The following PLXDC2 variants were observed in gnomAD, a reference collection of about 807,000 sequenced individuals.
The protein encoded by PLXDC2 is plexin domain-containing protein 2.
PLXDC2 carries 40 observed loss-of-function variants against 68.9 expected under a neutral mutation model. The observed-to-expected ratio is 0.58, with a 90% CI of 0.45 to 0.76. The LOEUF (loss-of-function observed/expected upper bound fraction) is 0.76, where lower values mean the gene tolerates loss of function less well. Ranked by LOEUF, PLXDC2 falls within the 30% of genes least tolerant of loss-of-function variation. The probability of loss-of-function intolerance (pLI) is 0.00; values close to 1 mark genes in which losing one functional copy is unlikely to be tolerated. For missense variants in PLXDC2, 644 were observed against 661.9 expected (o/e 0.97, Z 0.30); for synonymous variants, 243 against 234.2 (o/e 1.04, Z -0.34).
chr10:19,903,323 T>G (rs1456941010), intron 1 of PLXDC2, among the ~76,000 whole-genome samples: 2 of 117,874 alleles, frequency 1.7e-5, no homozygotes, highest in Non-Finnish European at 3.2e-5. Flanking sequence ...TTTTGTTGGC[T>G]TTTTTTTTTT....
intron 9 of PLXDC2, among the ~76,000 whole-genome samples, chr10:20,187,099 T>C (rs1465970811): frequency 6.6e-6 from 1 of 151,792 alleles, no homozygotes; most frequent in Non-Finnish European, 1.5e-5. Flanking sequence ...AAGAATACTA[T>C]GGGAAAGGAG....
intron 1 of PLXDC2, among the ~76,000 whole-genome samples, chr10:19,839,956 G>T (rs1341796121): frequency 1.3e-5 from 2 of 152,128 alleles, no homozygotes; most frequent in African/African-American, 2.4e-5. Flanking sequence ...GTTGGCAGTA[G>T]AATTTTTTAA....
intron 4 of PLXDC2, among the ~76,000 whole-genome samples, chr10:20,116,962 A>G (rs891853963): frequency 2.6e-5 from 4 of 152,136 alleles, no homozygotes; most frequent in Non-Finnish European, 5.9e-5. Context: ...TAAAAATGAA[A>G]AAATAAATAA....
At chr10:20,256,461 G>GTGTGTTTTAA (rs370079148) in intron 13 of PLXDC2, among the ~76,000 whole-genome samples, 16 of 151,730 alleles carry the variant, frequency 1.1e-4, no homozygotes, top group South Asian at 2.1e-4. Flanking sequence ...CACTGAGACT[G>GTGTGTTTTAA]CACCAAATGT....
At chr10:19,999,221 G>C (rs1353303593) in intron 1 of PLXDC2, among the ~76,000 whole-genome samples, 1 of 152,050 alleles carries the variant, frequency 6.6e-6, no homozygotes, top group Non-Finnish European at 1.5e-5. Flanking sequence ...GGTGCTAATG[G>C]GTATTCCAGA....
At chr10:19,830,642 A>G (rs1175068904) in intron 1 of PLXDC2, among the ~76,000 whole-genome samples, 1 of 151,962 alleles carries the variant, frequency 6.6e-6, no homozygotes, top group Non-Finnish European at 1.5e-5. Flanking sequence ...ATTTCCTGTG[A>G]TCAGCTTGTG....
At chr10:20,237,784 A>G (rs1239069718) in intron 12 of PLXDC2, among the ~76,000 whole-genome samples, 1 of 152,162 alleles carries the variant, frequency 6.6e-6, no homozygotes, top group East Asian at 1.9e-4. Context: ...TGTGCATGAC[A>G]TTGTCTAACC....
At chr10:20,012,946 C>T (rs2131646000) in intron 2 of PLXDC2, among the ~76,000 whole-genome samples, 1 of 152,262 alleles carries the variant, frequency 6.6e-6, no homozygotes, top group Admixed American at 6.5e-5. Flanking sequence ...TTATTTCAAG[C>T]TTTAGCTATT....
rs550194481 is a variant in PLXDC2 at position 20,284,330 on chromosome 10, TACACACACAC to T, written c.*4525_*4534del. ...AAATATACATATATATATATATATA[TACACACACAC>T]ACACACACACACAAATATACATATA... On this transcript the variant is annotated 3_prime_UTR_variant, in exon 14 of 14. Coordinates refer to ENST00000377252, the MANE Select transcript of PLXDC2 (RefSeq NM_032812.9). 2 of 126,338 alleles carry T rather than the reference TACACACACAC, an allele frequency of 1.6e-5. No homozygotes were observed. The highest frequency in any genetic ancestry group is 2.9e-5 in the African/African-American group (1 of 34,316). 7.8% of individuals were successfully genotyped at this position (126,338 alleles called of 1,614,324 possible).
rs1290394277 is a variant in PLXDC2 at position 20,284,258 on chromosome 10, G to A, written c.*4439G>A. On this transcript the variant is annotated 3_prime_UTR_variant, in exon 14 of 14. Coordinates refer to ENST00000377252, the MANE Select transcript of PLXDC2 (RefSeq NM_032812.9). ...TTTGTTATCAGCGTCATATGCCAGA[G>A]TCATGGCAGATCCAGCCTGGACAAC... is the stretch of plus-strand genomic sequence containing the variant. The A allele has an allele frequency of 6.7e-6, 1 of 149,950 alleles. No homozygotes were observed. The highest frequency in any genetic ancestry group is 1.5e-5 in the Non-Finnish European group (1 of 67,744). 9.3% of individuals were successfully genotyped at this position (149,950 alleles called of 1,614,324 possible).
intron 4 of PLXDC2, among the ~76,000 whole-genome samples, chr10:20,078,534 G>A (rs1836492292): frequency 6.6e-6 from 1 of 152,196 alleles, no homozygotes; most frequent in South Asian, 2.1e-4. Flanking sequence ...GGGAAAGAAT[G>A]TTATATCGTA....
At chr10:20,179,746 C>G (rs1410497874) in intron 9 of PLXDC2, among the ~76,000 whole-genome samples, 1 of 152,026 alleles carries the variant, frequency 6.6e-6, no homozygotes, top group African/African-American at 2.4e-5. Flanking sequence ...TTAATACTTT[C>G]AGTTTATTGA....
At chr10:20,249,448 C>T (rs10827999) in intron 13 of PLXDC2, among the ~76,000 whole-genome samples, 37,459 of 151,866 alleles carry the variant, frequency 0.25, 4,743 homozygotes, top group African/African-American at 0.31. Flanking sequence ...CTTCGGGAGG[C>T]TTCAGGGGAT....
At chr10:20,238,655 C>CAA (rs771913862) in intron 12 of PLXDC2, among the ~76,000 whole-genome samples, 40,569 of 81,676 alleles carry the variant, frequency 0.5, 11,649 homozygotes, top group Middle Eastern at 0.69. Context: ...GACTCCATCT[C>CAA]AAAAAAAATA....
intron 4 of PLXDC2, among the ~76,000 whole-genome samples, chr10:20,068,695 A>G (rs1836261684): frequency 6.7e-6 from 1 of 150,352 alleles, no homozygotes; most frequent in Admixed American, 6.6e-5. Context: ...CCATATGTGC[A>G]TTAGCTTTGA....
intron 10 of PLXDC2, among the ~76,000 whole-genome samples, chr10:20,214,607 G>A (rs1835112169): frequency 6.6e-6 from 1 of 151,982 alleles, no homozygotes; most frequent in Non-Finnish European, 1.5e-5. Context: ...GAGTGGGGAG[G>A]GGAATAAACA....
intron 4 of PLXDC2, among the ~76,000 whole-genome samples, chr10:20,112,073 AGCAAGAAGGTCTGTGTCCTCT>A (rs2131748996): frequency 6.6e-6 from 1 of 152,260 alleles, no homozygotes; most frequent in East Asian, 1.9e-4. Flanking sequence ...GTGAGGACAC[AGCAAGAAGGTCTGTGTCCTCT>A]GCAAGAAGGT....
intron 6 of PLXDC2, among the ~76,000 whole-genome samples, chr10:20,159,780 A>T (rs760832875): frequency 6.6e-6 from 1 of 152,178 alleles, no homozygotes. Flanking sequence ...AATTCAGTCA[A>T]GCCCTTTACA....
At chr10:20,048,219 T>C (rs1835831078) in intron 3 of PLXDC2, among the ~76,000 whole-genome samples, 1 of 152,162 alleles carries the variant, frequency 6.6e-6, no homozygotes, top group South Asian at 2.1e-4. Context: ...TATGTAGATG[T>C]TCCTGTTATC....
Sources: gnomAD v4.1 joint callset for allele counts (sites outside exome capture counted in the v4.1 genomes callset) on GRCh38, gnomAD v4.1.1 for gene constraint, MANE v1.5 for transcripts, NCBI Gene and HGNC (gene_info 2026-07-23, HGNC 2026-07-21) for gene names.